Variants in NRXN3 observed in about 807,000 individuals in gnomAD.
NRXN3 encodes the protein neurexin III.
A neutral mutation model predicts 137.6 loss-of-function variants in NRXN3; 32 were observed. The ratio of observed to expected loss-of-function variants is 0.23; its 90% CI spans 0.18 to 0.31. The LOEUF is 0.31. Among genes scored for constraint, NRXN3 ranks in the 10% least tolerant of loss-of-function variants. The pLI is 1.00. For synonymous variants in NRXN3, 798 were observed against 784.5 expected (o/e 1.02, Z -0.29); for missense variants, 1,574 against 2,062.5 (o/e 0.76, Z 4.59).
intron 16 of NRXN3, among the ~76,000 whole-genome samples, chr14:79,607,012 T>C (rs2098028817): frequency 6.6e-6 from 1 of 152,270 alleles, no homozygotes; most frequent in African/African-American, 2.4e-5. Flanking sequence ...ATGAAACTTC[T>C]GTGTAAGTTT....
At chr14:78,926,771 TTATATATATA>T (rs1182805073) in intron 10 of NRXN3, among the ~76,000 whole-genome samples, 3 of 43,020 alleles carry the variant, frequency 7.0e-5, no homozygotes, top group African/African-American at 3.0e-4. Context: ...ATTATATATA[TTATATATATA>T]AAATATATTA....
intron 4 of NRXN3, among the ~76,000 whole-genome samples, chr14:78,546,196 C>T (rs2096635012): frequency 6.6e-6 from 1 of 152,184 alleles, no homozygotes; most frequent in Non-Finnish European, 1.5e-5. Context: ...TGTATGAGCA[C>T]ACCCTTTTCA....
intron 17 of NRXN3, among the ~76,000 whole-genome samples, 173 bp from the exon 18 acceptor site, chr14:79,692,000 T>C (rs1479587166): frequency 2.6e-5 from 4 of 152,054 alleles, no homozygotes; most frequent in African/African-American, 9.7e-5. Context: ...AAGACTAACC[T>C]GACCTTTAAA....
intron 15 of NRXN3, among the ~76,000 whole-genome samples, chr14:79,293,880 GT>G (rs1279287585): frequency 1.3e-5 from 2 of 152,206 alleles, no homozygotes; most frequent in Non-Finnish European, 2.9e-5. Context: ...TACATGGAAG[GT>G]TTTATCCAGT....
chr14:78,780,098 C>T (rs1352846129), intron 8 of NRXN3, among the ~76,000 whole-genome samples: 2 of 152,012 alleles, frequency 1.3e-5, no homozygotes, highest in Non-Finnish European at 2.9e-5. Flanking sequence ...AGTGGGACAT[C>T]GACACAAAAT....
In NRXN3 at chr14:79,437,410, C is replaced by T. The variant is rs569400143; in HGVS notation, c.3263-29811C>T. On this transcript the variant is annotated intron_variant, in intron 15 of 20. Transcript: ENST00000335750. ...ATTCACATGTTAATCCTGAAATGTG[C>T]GTTCTAAAAAAAAAAAAAAGCTCCA... Among the ~76,000 whole-genome samples the T allele has an allele frequency of 5.8e-3, 873 of 149,538 alleles. 2 individuals carry two copies. The highest frequency in any genetic ancestry group is 0.01 in the South Asian group (48 of 4,748).
chr14:78,510,677 CTTTG>C (rs1466194706), intron 4 of NRXN3, among the ~76,000 whole-genome samples: 2 of 152,230 alleles, frequency 1.3e-5, no homozygotes, highest in African/African-American at 4.8e-5. Flanking sequence ...AATTTGCTTT[CTTTG>C]TTTGATCCCT....
intron 16 of NRXN3, among the ~76,000 whole-genome samples, chr14:79,598,034 C>A (rs1008124952): frequency 6.6e-6 from 1 of 152,088 alleles, no homozygotes; most frequent in Non-Finnish European, 1.5e-5. Flanking sequence ...TTAAATAATT[C>A]TTTTAAAATT....
chr14:79,426,809 C>T (rs932683918), intron 15 of NRXN3, among the ~76,000 whole-genome samples: 1 of 152,200 alleles, frequency 6.6e-6, no homozygotes, highest in Non-Finnish European at 1.5e-5. Flanking sequence ...ATAGATACGA[C>T]ATTGGAATAA....
At chr14:78,817,767 A>T (rs2098938417) in intron 10 of NRXN3, among the ~76,000 whole-genome samples, 1 of 152,152 alleles carries the variant, frequency 6.6e-6, no homozygotes, top group Admixed American at 6.6e-5. Flanking sequence ...AGAAGTCACT[A>T]ACCCCTGCCT....
At chr14:78,236,422 C>T (rs756649560) in intron 1 of NRXN3, among the ~76,000 whole-genome samples, 9 of 152,186 alleles carry the variant, frequency 5.9e-5, no homozygotes, top group Non-Finnish European at 2.9e-5. Context: ...CAATCATTCT[C>T]AAAGCTGTAT....
chr14:78,320,402 G>A (rs768101661), intron 4 of NRXN3, among the ~76,000 whole-genome samples: 8 of 152,132 alleles, frequency 5.3e-5, no homozygotes, highest in Non-Finnish European at 1.0e-4. Context: ...AATCTCCTTT[G>A]AACAGGAGCC....
chr14:79,727,211 T>C (rs866944310), intron 19 of NRXN3, among the ~76,000 whole-genome samples: 1 of 152,240 alleles, frequency 6.6e-6, no homozygotes, highest in Non-Finnish European at 1.5e-5. Context: ...CTACTAAGAG[T>C]TGAGTGAAAC....
intron 1 of NRXN3, among the ~76,000 whole-genome samples, chr14:78,211,794 G>C (rs2062772278): frequency 6.6e-6 from 1 of 152,208 alleles, no homozygotes; most frequent in Non-Finnish European, 1.5e-5. Flanking sequence ...GAACTGTTAG[G>C]GAGGAGGAAG....
At chr14:78,317,028 G>A (rs533190762) in intron 4 of NRXN3, among the ~76,000 whole-genome samples, 3 of 152,264 alleles carry the variant, frequency 2.0e-5, no homozygotes, top group Admixed American at 6.5e-5. Flanking sequence ...CACGTGATTA[G>A]GGAAGCTGAG....
intron 19 of NRXN3, among the ~76,000 whole-genome samples, chr14:79,700,720 A>G (rs1364851102): frequency 6.6e-6 from 1 of 152,018 alleles, no homozygotes; most frequent in Non-Finnish European, 1.5e-5. Flanking sequence ...TTGAGTTGGT[A>G]TGTCTGTCTA....
chr14:78,501,473 C>T (rs906033223), intron 4 of NRXN3, among the ~76,000 whole-genome samples: 1 of 152,272 alleles, frequency 6.6e-6, no homozygotes, highest in Admixed American at 6.5e-5. Context: ...ATAAACAAGA[C>T]AGAAGCTATA....
chr14:78,225,974 GGTGTGTGTGTGTGTGTGTGTGTGTGT>G (rs71131635), intron 1 of NRXN3, among the ~76,000 whole-genome samples: 96 of 123,720 alleles, frequency 7.8e-4, no homozygotes, highest in Non-Finnish European at 1.4e-3. Flanking sequence ...TGTGTGTGTT[GGTGTGTGTGTGTGTGTGTGTGTGTGT>G]GTGTGTGTGT....
intron 20 of NRXN3, among the ~76,000 whole-genome samples, chr14:79,844,730 C>G (rs1043215378): frequency 6.6e-6 from 1 of 152,126 alleles, no homozygotes; most frequent in Non-Finnish European, 1.5e-5. Context: ...GTACATTTAG[C>G]ATAATTCTTA....
Sources: allele counts gnomAD v4.1 joint callset (sites outside exome capture counted in the v4.1 genomes callset), GRCh38; gene constraint gnomAD v4.1.1; transcripts MANE v1.5; gene names NCBI Gene and HGNC (gene_info 2026-07-23, HGNC 2026-07-21).